Variants in PARP8 observed in about 807,000 individuals in gnomAD.
The protein encoded by PARP8 is poly(ADP-ribose) polymerase family member 8, also known as protein mono-ADP-ribosyltransferase PARP8.
PARP8 carries 51 observed loss-of-function variants against 124.1 expected under a neutral mutation model. That is an observed-to-expected ratio of 0.41 (90% CI 0.33 to 0.52). The LOEUF is 0.52. PARP8 is among the 20% of genes least tolerant of loss of function. The pLI is 0.21. For missense variants in PARP8, 860 were observed against 1,018.9 expected, an observed-to-expected ratio of 0.84 and a Z score of 2.12; for synonymous variants, 391 against 361.5, an observed-to-expected ratio of 1.08 and a Z score of -0.93.
chr5:50,795,609 G>GAAA (rs925216941), intron 12 of PARP8, among the ~76,000 whole-genome samples, 192 bp downstream of exon 12: 1 of 151,588 alleles, frequency 6.6e-6, no homozygotes, highest in African/African-American at 2.4e-5. Flanking sequence ...CTTTGGTTCT[G>GAAA]AAAAAAAATA....
chr5:50,786,700 C>CA (rs1741294017), intron 9 of PARP8, among the ~76,000 whole-genome samples: 3 of 152,018 alleles, frequency 2.0e-5, no homozygotes, highest in Admixed American at 2.0e-4. Flanking sequence ...GTCTAGATAG[C>CA]AGCACTCTGG....
intron 24 of PARP8, among the ~76,000 whole-genome samples, chr5:50,834,476 C>T (rs1436648899): frequency 6.6e-6 from 1 of 152,108 alleles, no homozygotes; most frequent in Non-Finnish European, 1.5e-5. Context: ...GTACTGAGGA[C>T]AGAAAAATTG....
rs368538543 is a variant in PARP8 at position 50,667,805 on chromosome 5, G to A, written c.92-266G>A. On this transcript the variant is annotated intron_variant, in intron 1 of 25. Coordinates refer to ENST00000281631, the MANE Select transcript of PARP8 (RefSeq NM_024615.4). ...CTTTCGCTACCGCGAGCCCGGCTGA[G>A]GCTGCTTCCGGCCTCCCCTATCGGG... is the stretch of plus-strand genomic sequence containing the variant. The A allele has an allele frequency of 2.5e-5, 25 of 1,010,546 alleles. No individual in the cohort carries two copies. The East Asian group carries it at 2.9e-4, about 12-fold the overall frequency. 62.6% of individuals were successfully genotyped at this position (1,010,546 alleles called of 1,614,324 possible). A position where few individuals can be genotyped will look rare whatever the true frequency, so the allele number is the denominator to read the frequency against.
intron 2 of PARP8, chr5:50,741,981 T>C (rs1758093325): frequency 2.8e-6 from 1 of 358,690 alleles, no homozygotes; most frequent in African/African-American, 2.2e-5. Flanking sequence ...GCTAATTTTT[T>C]CTGTTTTTAG....
intron 2 of PARP8, among the ~76,000 whole-genome samples, chr5:50,697,691 G>A (rs1478748213): frequency 1.3e-5 from 2 of 152,108 alleles, no homozygotes; most frequent in African/African-American, 4.8e-5. Flanking sequence ...TAAATGTTTT[G>A]TAGCGGCAGG....
chr5:50,694,208 G>A (rs1418815704), intron 2 of PARP8, among the ~76,000 whole-genome samples: 1 of 152,114 alleles, frequency 6.6e-6, no homozygotes, highest in East Asian at 1.9e-4. Context: ...AAAATTCTGA[G>A]TCTTGTGACA....
At chr5:50,736,251 A>T (rs1757465759) in intron 2 of PARP8, among the ~76,000 whole-genome samples, 1 of 152,096 alleles carries the variant, frequency 6.6e-6, no homozygotes, top group African/African-American at 2.4e-5. Flanking sequence ...TTTTCTGTGC[A>T]TTTGTATGCA....
At chr5:50,747,960 T>C (rs559866636) in intron 2 of PARP8, among the ~76,000 whole-genome samples, 2 of 151,712 alleles carry the variant, frequency 1.3e-5, no homozygotes, top group Non-Finnish European at 2.9e-5. Flanking sequence ...ATTTTTAGTA[T>C]AGACCTTGCT....
chr5:50,687,281 G>A (rs569468004), intron 2 of PARP8, among the ~76,000 whole-genome samples: 17 of 152,184 alleles, frequency 1.1e-4, no homozygotes, highest in Admixed American at 9.2e-4. Context: ...TTGCTAAAAC[G>A]TAACGAGTCA....
At chr5:50,697,810 A>G (rs746749125) in intron 2 of PARP8, among the ~76,000 whole-genome samples, 3 of 152,230 alleles carry the variant, frequency 2.0e-5, no homozygotes, top group Admixed American at 6.5e-5. Flanking sequence ...TCAAAGCTAT[A>G]TCTTTTAAGT....
chr5:50,672,012 T>G (rs888047038), intron 2 of PARP8, among the ~76,000 whole-genome samples: 3 of 152,156 alleles, frequency 2.0e-5, no homozygotes, highest in African/African-American at 7.2e-5. Context: ...ATAATAGTAA[T>G]GGAATATTCC....
intron 2 of PARP8, among the ~76,000 whole-genome samples, chr5:50,680,031 C>T (rs1427998068): frequency 6.6e-6 from 1 of 152,122 alleles, no homozygotes; most frequent in Admixed American, 6.5e-5. Flanking sequence ...TTTATACATA[C>T]AGCCTGAATG....
chr5:50,744,886 A>C, intron 2 of PARP8: 1 of 661,364 alleles, frequency 1.5e-6, no homozygotes. Flanking sequence ...TGCCTGCTAC[A>C]TGGCATTTAT....
intron 2 of PARP8, among the ~76,000 whole-genome samples, chr5:50,748,232 C>T (rs1463935154): frequency 1.3e-5 from 2 of 150,592 alleles, no homozygotes; most frequent in Non-Finnish European, 3.0e-5. Flanking sequence ...AGGGATATTT[C>T]CTTTTCTGAT....
chr5:50,745,507 G>A (rs1214051830), intron 2 of PARP8, among the ~76,000 whole-genome samples: 1 of 152,168 alleles, frequency 6.6e-6, no homozygotes, highest in Non-Finnish European at 1.5e-5. Flanking sequence ...GATTGAGTCT[G>A]TGAGTGTTTA....
At chr5:50,709,346 T>G (rs1206725871) in intron 2 of PARP8, among the ~76,000 whole-genome samples, 1 of 152,072 alleles carries the variant, frequency 6.6e-6, no homozygotes, top group Non-Finnish European at 1.5e-5. Flanking sequence ...TTTTTCTTTT[T>G]CTTTTGAAAA....
intron 2 of PARP8, among the ~76,000 whole-genome samples, chr5:50,732,499 C>A (rs1408023759): frequency 6.6e-6 from 1 of 152,158 alleles, no homozygotes; most frequent in Non-Finnish European, 1.5e-5. Context: ...TAAAGCACTT[C>A]TTTGGAAACA....
chr5:50,676,368 C>G (rs1476481696), intron 2 of PARP8, among the ~76,000 whole-genome samples: 1 of 152,156 alleles, frequency 6.6e-6, no homozygotes, highest in Non-Finnish European at 1.5e-5. Context: ...CATTTCATGC[C>G]CCTAACTTTT....
At chr5:50,743,976 G>A (rs1200708135) in intron 2 of PARP8, among the ~76,000 whole-genome samples, 1 of 152,132 alleles carries the variant, frequency 6.6e-6, no homozygotes, top group Non-Finnish European at 1.5e-5. Flanking sequence ...TAGCAGGTAA[G>A]TAAAAAGGTA....
Sources: gnomAD v4.1 joint callset for allele counts (sites outside exome capture counted in the v4.1 genomes callset) on GRCh38, gnomAD v4.1.1 for gene constraint, MANE v1.5 for transcripts, NCBI Gene and HGNC (gene_info 2026-07-23, HGNC 2026-07-21) for gene names.